The following MAK variants were observed in gnomAD, a reference collection of about 807,000 sequenced individuals.
MAK encodes serine/threonine-protein kinase MAK.
MAK carries 65 observed loss-of-function variants against 82.6 expected under a neutral mutation model. The ratio of observed to expected loss-of-function variants is 0.79; its 90% CI spans 0.64 to 0.97. The LOEUF (loss-of-function observed/expected upper bound fraction) is 0.97, where lower values mean the gene tolerates loss of function less well. Among genes scored for constraint, MAK ranks in the 50% least tolerant of loss-of-function variants. MAK has a pLI of 0.00. For missense variants in MAK, 703 were observed against 780.2 expected (o/e 0.90, Z 1.18); for synonymous variants, 250 against 274.2 (o/e 0.91, Z 0.87).
At chr6:10,810,289 CTTG>C (rs1776821744) in intron 5 of MAK, among the ~76,000 whole-genome samples, 1 of 149,944 alleles carries the variant, frequency 6.7e-6, no homozygotes, top group Admixed American at 6.6e-5. Context: ...CAGGTGATCA[CTTG>C]AAGAGGGTTT....
At chr6:10,819,360 G>A (rs538079646) in intron 2 of MAK, among the ~76,000 whole-genome samples, 159 of 152,262 alleles carry the variant, frequency 1.0e-3, no homozygotes, top group African/African-American at 3.6e-3. Context: ...GGCCGGGAAC[G>A]GTGGCTCACG....
In MAK at chr6:10,784,659, A is replaced by G. The variant is rs796971972; in HGVS notation, c.1317-87T>C. On this transcript the variant is annotated intron_variant, in intron 10 of 14. Transcript: ENST00000354489. The stretch of plus-strand genomic sequence containing the variant: ...TGCACATCTCGCCCACCCTCTGCAC[A>G]TCTTCCTAAGCCAGTCAATCTGACC... 14 of 1,217,368 alleles carry G rather than the reference A, an allele frequency of 1.2e-5. No individual in the cohort carries two copies. The African/African-American group carries it at 1.8e-4, about 16-fold the overall frequency. The allele number at this position is 1,217,368 out of a possible 1,614,324, so 75.4% of individuals were successfully genotyped here.
At chr6:10,768,854 G>A (rs1281418754) in intron 14 of MAK, among the ~76,000 whole-genome samples, 1 of 152,094 alleles carries the variant, frequency 6.6e-6, no homozygotes, top group African/African-American at 2.4e-5. Flanking sequence ...ATCTAATCAG[G>A]GGTTTTAATA....
chr6:10,772,672 C>A (rs570427741), intron 13 of MAK, among the ~76,000 whole-genome samples: 1 of 151,834 alleles, frequency 6.6e-6, no homozygotes, highest in South Asian at 2.1e-4. Flanking sequence ...GTTGTTCATG[C>A]TTAAGAAATG....
intron 11 of MAK, among the ~76,000 whole-genome samples, chr6:10,780,006 A>C (rs994898869): frequency 6.6e-6 from 1 of 152,146 alleles, no homozygotes; most frequent in Non-Finnish European, 1.5e-5. Context: ...CTTCTTATTC[A>C]GGTTTCTATC....
chr6:10,796,360 T>C, intron 8 of MAK, 51 bp from the exon 9 acceptor site: 1 of 1,443,750 alleles, frequency 6.9e-7, no homozygotes, highest in Non-Finnish European at 9.7e-7. Context: ...CACCTAAATG[T>C]ATTGCACATA....
At chr6:10,825,060 A>G (rs1249938543) in intron 2 of MAK, among the ~76,000 whole-genome samples, 1 of 152,212 alleles carries the variant, frequency 6.6e-6, no homozygotes, top group Admixed American at 6.5e-5. Context: ...GTCCTTGAGG[A>G]CTTCTGGGGA....
At chr6:10,823,204 CCAGCATT>C (rs1447551302) in intron 2 of MAK, among the ~76,000 whole-genome samples, 1 of 152,200 alleles carries the variant, frequency 6.6e-6, no homozygotes, top group Non-Finnish European at 1.5e-5. Flanking sequence ...AAGCAGAGGG[CCAGCATT>C]CAGCTTCTTC....
intron 4 of MAK, among the ~76,000 whole-genome samples, chr6:10,817,129 A>AGTGT (rs60627741): frequency 0.09 from 13,553 of 149,854 alleles, 1,771 homozygotes; most frequent in African/African-American, 0.29. Flanking sequence ...CTTGAGCGAG[A>AGTGT]GTGTGTGTGT....
chr6:10,767,801 A>C (rs564225189), intron 14 of MAK, among the ~76,000 whole-genome samples: 14 of 150,864 alleles, frequency 9.3e-5, no homozygotes, highest in South Asian at 6.3e-4. Context: ...AAAAAAAAAA[A>C]AAAAAAAAAA....
At chr6:10,813,969 A>AT (rs56102933) in intron 4 of MAK, among the ~76,000 whole-genome samples, 4 of 150,492 alleles carry the variant, frequency 2.7e-5, no homozygotes, top group East Asian at 2.0e-4. Flanking sequence ...TAAATAGCTA[A>AT]TTTTTTTTTT....
At position 10,766,271 on chromosome 6, in the gene MAK, G is replaced by A. The variant is rs73721386; in HGVS notation, c.1793-1665C>T. Among the ~76,000 whole-genome samples the A allele has an allele frequency of 6.0e-3, 910 of 152,312 alleles. 7 individuals carry two copies. Among genetic ancestry groups the A allele is most frequent in the African/African-American group, 0.021 (870 of 41,572 alleles). On this transcript the variant is annotated intron_variant, in intron 14 of 14. Coordinates refer to ENST00000354489, the MANE Select transcript of MAK (RefSeq NM_001242957.3). ...GCACAGTTTTTCTTAAATTTTCACT[G>A]TATAACTGGGAGTGAGGAGGGAATT...
intron 9 of MAK, among the ~76,000 whole-genome samples, chr6:10,795,739 C>T (rs1004919928): frequency 5.3e-5 from 8 of 151,936 alleles, no homozygotes; most frequent in Non-Finnish European, 1.0e-4. Context: ...AGCGAACCTC[C>T]GTCTCAAAAA....
At chr6:10,792,558 A>G (rs1775176026) in intron 9 of MAK, among the ~76,000 whole-genome samples, 2 of 152,240 alleles carry the variant, frequency 1.3e-5, no homozygotes, top group African/African-American at 4.8e-5. Context: ...ATTAACAGAA[A>G]TAAGGAATGG....
At chr6:10,817,548 A>G (rs1777586571) in intron 4 of MAK, among the ~76,000 whole-genome samples, 1 of 152,234 alleles carries the variant, frequency 6.6e-6, no homozygotes, top group African/African-American at 2.4e-5. Context: ...GCCCAAGGCC[A>G]GCTTTATTAT....
At chr6:10,774,301 A>G (rs1230563280) in intron 12 of MAK, among the ~76,000 whole-genome samples, 3 of 152,196 alleles carry the variant, frequency 2.0e-5, no homozygotes, top group African/African-American at 4.8e-5. Context: ...AAAGTTGAGT[A>G]TTATATATTT....
intron 6 of MAK, among the ~76,000 whole-genome samples, chr6:10,805,571 G>GA (rs540676488): frequency 0.024 from 3,001 of 126,512 alleles, 26 homozygotes; most frequent in Middle Eastern, 0.048. Context: ...TGGGTGACAG[G>GA]AAAAAAAAAA....
chr6:10,783,667 G>A (rs887118077), intron 11 of MAK, among the ~76,000 whole-genome samples: 1 of 152,188 alleles, frequency 6.6e-6, no homozygotes, highest in South Asian at 2.1e-4. Flanking sequence ...CTTAGCCAGT[G>A]TCTTTGCCTC....
At chr6:10,807,343 T>C (rs796963871) in intron 6 of MAK, among the ~76,000 whole-genome samples, 4 of 136,512 alleles carry the variant, frequency 2.9e-5, no homozygotes, top group African/African-American at 1.2e-4. Flanking sequence ...TTCCTTTTTT[T>C]TTTTTTTTTT....
Sources: allele counts gnomAD v4.1 joint callset (sites outside exome capture counted in the v4.1 genomes callset), GRCh38; gene constraint gnomAD v4.1.1; transcripts MANE v1.5; gene names NCBI Gene and HGNC (gene_info 2026-07-23, HGNC 2026-07-21).